CADPS2: variants seen among roughly 807,000 people sequenced by gnomAD.
The protein encoded by CADPS2 is calcium dependent secretion activator 2.
Under a neutral mutation model 172.5 loss-of-function variants are expected in CADPS2, and 93 were observed. The observed-to-expected ratio is 0.54, with a 90% CI of 0.46 to 0.64. The LOEUF (loss-of-function observed/expected upper bound fraction) is 0.64, where lower values mean the gene tolerates loss of function less well. CADPS2 is among the 30% of genes least tolerant of loss of function. The pLI, the probability that CADPS2 is intolerant of heterozygous loss-of-function variation, is 0.00. For synonymous variants in CADPS2, 546 were observed against 555.2 expected, an observed-to-expected ratio of 0.98 and a Z score of 0.23; for missense variants, 1,420 against 1,565.9, an observed-to-expected ratio of 0.91 and a Z score of 1.57.
chr7:122,543,339 G>A (rs1358102623), intron 8 of CADPS2, among the ~76,000 whole-genome samples: 1 of 151,934 alleles, frequency 6.6e-6, no homozygotes, highest in Non-Finnish European at 1.5e-5. Flanking sequence ...ATTTCAGTGG[G>A]GCAAGTAATT....
At chr7:122,541,261 A>G (rs2062894442) in intron 8 of CADPS2, among the ~76,000 whole-genome samples, 1 of 142,740 alleles carries the variant, frequency 7.0e-6, no homozygotes, top group Non-Finnish European at 1.5e-5. Context: ...CAATGGTGTG[A>G]TCTCGGCTCA....
At chr7:122,521,819 T>C (rs868128459) in intron 8 of CADPS2, among the ~76,000 whole-genome samples, 7 of 151,468 alleles carry the variant, frequency 4.6e-5, no homozygotes, top group Admixed American at 1.3e-4. Context: ...TATCACATTT[T>C]ATAGAATTGT....
At chr7:122,880,446 C>A (rs1822593447) in intron 1 of CADPS2, among the ~76,000 whole-genome samples, 1 of 152,132 alleles carries the variant, frequency 6.6e-6, no homozygotes, top group Non-Finnish European at 1.5e-5. Context: ...TTTTTTGTTC[C>A]TTGCTTCGAG....
intron 9 of CADPS2, among the ~76,000 whole-genome samples, chr7:122,494,542 A>G (rs1310547961): frequency 1.3e-5 from 2 of 151,636 alleles, no homozygotes; most frequent in Non-Finnish European, 2.9e-5. Context: ...TTCTGTGGGT[A>G]AACATTATAT....
chr7:122,571,399 C>T (rs967421244), intron 7 of CADPS2, among the ~76,000 whole-genome samples: 1 of 152,058 alleles, frequency 6.6e-6, no homozygotes, highest in African/African-American at 2.4e-5. Flanking sequence ...AAAATGTCAA[C>T]TACTTTTACT....
chr7:122,412,035 T>C (rs1029001851), intron 19 of CADPS2, among the ~76,000 whole-genome samples: 2 of 152,222 alleles, frequency 1.3e-5, no homozygotes, highest in Non-Finnish European at 2.9e-5. Context: ...TGGTAGAGCA[T>C]TCATGCTCAT....
At chr7:122,705,484 TTA>T (rs1344235742) in intron 2 of CADPS2, among the ~76,000 whole-genome samples, 3 of 129,110 alleles carry the variant, frequency 2.3e-5, no homozygotes, top group African/African-American at 8.6e-5. Context: ...TATATTTATA[TTA>T]TATATTATCT....
intron 15 of CADPS2, among the ~76,000 whole-genome samples, chr7:122,445,033 G>C (rs1373613570): frequency 6.6e-6 from 1 of 152,116 alleles, no homozygotes; most frequent in Non-Finnish European, 1.5e-5. Flanking sequence ...AATTGCCCTT[G>C]AACATTCACT....
intron 2 of CADPS2, among the ~76,000 whole-genome samples, chr7:122,685,196 C>T (rs1202964480): frequency 6.6e-6 from 1 of 152,126 alleles, no homozygotes; most frequent in Admixed American, 6.5e-5. Context: ...CCATCACCAC[C>T]ACTAAAGTGA....
At chr7:122,519,790 G>A (rs143893969) in intron 8 of CADPS2, among the ~76,000 whole-genome samples, 2 of 151,966 alleles carry the variant, frequency 1.3e-5, no homozygotes, top group East Asian at 3.9e-4. Context: ...ATGTAGATGT[G>A]TAGAATATAT....
chr7:122,688,409 G>C (rs2083901757), intron 2 of CADPS2, among the ~76,000 whole-genome samples: 1 of 152,220 alleles, frequency 6.6e-6, no homozygotes, highest in Admixed American at 6.5e-5. Flanking sequence ...TCATGTGTTA[G>C]GTTCAGGGTC....
intron 3 of CADPS2, among the ~76,000 whole-genome samples, chr7:122,660,381 A>T (rs919745760): frequency 6.6e-6 from 1 of 152,030 alleles, no homozygotes; most frequent in African/African-American, 2.4e-5. Context: ...TTCGTTTTTT[A>T]AAAAAATGTA....
intron 1 of CADPS2, among the ~76,000 whole-genome samples, chr7:122,797,659 A>G (rs1589258566): frequency 1.3e-5 from 2 of 148,520 alleles, no homozygotes; most frequent in East Asian, 3.9e-4. Context: ...ACACATGGAC[A>G]CCTAGAGGGG....
intron 3 of CADPS2, among the ~76,000 whole-genome samples, chr7:122,655,214 G>A (rs1041245929): frequency 2.0e-5 from 3 of 152,162 alleles, no homozygotes; most frequent in South Asian, 2.1e-4. Context: ...TTATATAAAC[G>A]TAGCTGATAA....
chr7:122,360,691 G>T, intron 27 of CADPS2, 97 bp downstream of exon 27: 1 of 1,047,678 alleles, frequency 9.5e-7, no homozygotes, highest in Non-Finnish European at 1.4e-6. Context: ...CTAAGGGAAT[G>T]GCACTGGTTT....
intron 12 of CADPS2, among the ~76,000 whole-genome samples, chr7:122,478,061 G>A (rs980498420): frequency 4.0e-5 from 6 of 151,876 alleles, no homozygotes; most frequent in African/African-American, 1.5e-4. Flanking sequence ...CTTTCTACAG[G>A]TATAACATAC....
chr7:122,498,879 A>T (rs2058972912), intron 9 of CADPS2, among the ~76,000 whole-genome samples: 1 of 152,166 alleles, frequency 6.6e-6, no homozygotes, highest in South Asian at 2.1e-4. Context: ...TGATCAATTT[A>T]GTTTTGTAAT....
rs1353388750 is a variant in CADPS2, at chr7:122,420,993, A to G, written c.2477-4829T>C. 4 of 152,318 alleles carry G rather than the reference A, an allele frequency of 2.6e-5. 1 individual carries two copies. In the East Asian group the frequency reaches 7.7e-4, roughly 29 times the overall value. 9.4% of individuals were successfully genotyped at this position (152,318 alleles called of 1,614,324 possible). A position where few individuals can be genotyped will look rare whatever the true frequency, so the allele number is the denominator to read the frequency against. ...GTTTCATTCTACTCCATGGCTTAGA[A>G]AGGGGCATATCTCCTGGCACACTGG... On this transcript the variant is annotated intron_variant, in intron 17 of 29. Coordinates refer to ENST00000449022, the MANE Select transcript of CADPS2 (RefSeq NM_017954.11).
At chr7:122,515,666 G>A (rs1166239573) in intron 8 of CADPS2, among the ~76,000 whole-genome samples, 1 of 151,992 alleles carries the variant, frequency 6.6e-6, no homozygotes. Context: ...AGTAAATAGT[G>A]ATACACAAAC....
Sources: gnomAD v4.1 joint callset for allele counts (sites outside exome capture counted in the v4.1 genomes callset) on GRCh38, gnomAD v4.1.1 for gene constraint, MANE v1.5 for transcripts, NCBI Gene and HGNC (gene_info 2026-07-23, HGNC 2026-07-21) for gene names.